Variants in RBFOX1 observed in about 807,000 individuals in gnomAD.
RBFOX1 encodes the protein RNA binding protein fox-1 homolog 1.
Under a neutral mutation model 57.7 loss-of-function variants are expected in RBFOX1, and 8 were observed. The ratio of observed to expected loss-of-function variants is 0.14; its 90% CI spans 0.08 to 0.25. The LOEUF is 0.25. RBFOX1 is among the 10% of genes least tolerant of loss of function. RBFOX1 has a pLI of 1.00. For missense variants in RBFOX1, 611 were observed against 548.5 expected (o/e 1.11, Z -1.14); for synonymous variants, 326 against 222.4 (o/e 1.47, Z -4.15).
At chr16:7,323,110 A>G (rs754382340) in intron 4 of RBFOX1, among the ~76,000 whole-genome samples, 5 of 152,140 alleles carry the variant, frequency 3.3e-5, no homozygotes, top group Non-Finnish European at 7.3e-5. Flanking sequence ...AGATGAAGAA[A>G]CCACTCAGAT....
intron 14 of RBFOX1, among the ~76,000 whole-genome samples, chr16:7,681,856 T>A (rs2074844283): frequency 6.6e-6 from 1 of 152,112 alleles, no homozygotes; most frequent in African/African-American, 2.4e-5. Flanking sequence ...CCAAGTTTGA[T>A]AGGGATTGAA....
At chr16:6,821,531 T>G (rs975396840) in intron 3 of RBFOX1, among the ~76,000 whole-genome samples, 3 of 152,194 alleles carry the variant, frequency 2.0e-5, no homozygotes, top group Admixed American at 6.5e-5. Context: ...ATCCCATGCC[T>G]ATTAATCAGA....
Position 6,480,230 on chromosome 16 carries a change from C to T in RBFOX1, c.-64+163173C>T, listed in dbSNP as rs143990860. Among the ~76,000 whole-genome samples the T allele has an allele frequency of 1.2e-3, 186 of 152,210 alleles. 1 individual carries two copies. The highest frequency in any genetic ancestry group is 4.2e-3 in the African/African-American group (176 of 41,512). On this transcript the variant is annotated intron_variant, in intron 2 of 15. Coordinates refer to ENST00000550418, the MANE Select transcript of RBFOX1 (RefSeq NM_018723.4). ...TTTAAAAGTGATACACATGTACACA[C>T]ATATAACATATAGAGTATATATACA...
intron 4 of RBFOX1, among the ~76,000 whole-genome samples, chr16:5,971,122 A>G (rs1263691302): frequency 6.6e-6 from 1 of 152,176 alleles, no homozygotes; most frequent in East Asian, 1.9e-4. Flanking sequence ...CCAGCTGTCA[A>G]CACGTTTATT....
intron 2 of RBFOX1, among the ~76,000 whole-genome samples, chr16:5,471,582 C>A (rs185325447): frequency 1.1e-4 from 17 of 152,216 alleles, no homozygotes; most frequent in Admixed American, 3.3e-4. Flanking sequence ...CCCGGAGAAC[C>A]CTCTGTCTCT....
chr16:7,310,019 G>A (rs141665859), intron 4 of RBFOX1, among the ~76,000 whole-genome samples: 17 of 152,326 alleles, frequency 1.1e-4, no homozygotes, highest in African/African-American at 3.6e-4. Flanking sequence ...CGGGCTGAGC[G>A]TTGGCCCGTG....
At chr16:6,729,385 G>C (rs1462327816) in intron 3 of RBFOX1, among the ~76,000 whole-genome samples, 2 of 152,156 alleles carry the variant, frequency 1.3e-5, no homozygotes, top group Non-Finnish European at 1.5e-5. Context: ...TAATAAAATA[G>C]TTTATCAAGT....
chr16:6,580,908 CTT>C (rs5815330), intron 2 of RBFOX1, among the ~76,000 whole-genome samples: 2,835 of 142,482 alleles, frequency 0.02, 77 homozygotes, highest in African/African-American at 0.063. Flanking sequence ...TTTGGGCTTG[CTT>C]TTTTTTTTTT....
chr16:7,373,718 G>A (rs1172057733), intron 4 of RBFOX1, among the ~76,000 whole-genome samples: 1 of 152,220 alleles, frequency 6.6e-6, no homozygotes, highest in Non-Finnish European at 1.5e-5. Context: ...GTTGATCATT[G>A]CAATAGTTGA....
At chr16:6,336,463 T>C (rs2083769072) in intron 2 of RBFOX1, among the ~76,000 whole-genome samples, 1 of 152,064 alleles carries the variant, frequency 6.6e-6, no homozygotes, top group East Asian at 1.9e-4. Flanking sequence ...CACTGGTAAG[T>C]AAATGTCAGA....
intron 3 of RBFOX1, among the ~76,000 whole-genome samples, chr16:6,863,283 C>A (rs947700138): frequency 1.3e-5 from 2 of 152,152 alleles, no homozygotes; most frequent in African/African-American, 4.8e-5. Flanking sequence ...TGGATGCAGA[C>A]TGGGAAAAGT....
At chr16:7,691,794 T>G (rs1172213394) in intron 14 of RBFOX1, among the ~76,000 whole-genome samples, 1 of 152,086 alleles carries the variant, frequency 6.6e-6, no homozygotes, top group African/African-American at 2.4e-5. Flanking sequence ...GCAGTAGAAA[T>G]TGGGTAGAGC....
At chr16:6,247,812 G>C (rs1386361746) in intron 1 of RBFOX1, among the ~76,000 whole-genome samples, 1 of 152,202 alleles carries the variant, frequency 6.6e-6, no homozygotes, top group Non-Finnish European at 1.5e-5. Flanking sequence ...GAGAGGGAGA[G>C]AGAAAATTCT....
intron 3 of RBFOX1, among the ~76,000 whole-genome samples, chr16:6,732,319 T>G (rs2068827720): frequency 6.6e-6 from 1 of 152,184 alleles, no homozygotes; most frequent in Non-Finnish European, 1.5e-5. Flanking sequence ...GGCCCCAGGC[T>G]CCTGTTCAGA....
At chr16:5,988,396 C>G (rs1224536910) in intron 4 of RBFOX1, among the ~76,000 whole-genome samples, 1 of 152,152 alleles carries the variant, frequency 6.6e-6, no homozygotes, top group Non-Finnish European at 1.5e-5. Context: ...GTTATCAAGC[C>G]TCTAATATTT....
At chr16:6,186,528 C>T (rs1322370603) in intron 1 of RBFOX1, among the ~76,000 whole-genome samples, 1 of 151,444 alleles carries the variant, frequency 6.6e-6, no homozygotes. Flanking sequence ...AGGAGAGGGG[C>T]GGGGAGGAGT....
At chr16:7,472,813 A>T (rs553023120) in intron 4 of RBFOX1, among the ~76,000 whole-genome samples, 1 of 152,340 alleles carries the variant, frequency 6.6e-6, no homozygotes, top group Admixed American at 6.5e-5. Flanking sequence ...TTTATTAGAT[A>T]ATATTATTAG....
intron 2 of RBFOX1, among the ~76,000 whole-genome samples, chr16:6,590,321 C>T (rs542465027): frequency 2.6e-5 from 4 of 152,314 alleles, no homozygotes; most frequent in East Asian, 1.9e-4. Context: ...CCTCAACCAT[C>T]GGATTTGCCT....
chr16:6,120,723 T>C (rs1276871070), intron 1 of RBFOX1, among the ~76,000 whole-genome samples: 3 of 152,238 alleles, frequency 2.0e-5, no homozygotes, highest in Non-Finnish European at 4.4e-5. Flanking sequence ...CTTGTGGCTC[T>C]GAATTCAGAT....
Sources: gnomAD v4.1 joint callset for allele counts (sites outside exome capture counted in the v4.1 genomes callset) on GRCh38, gnomAD v4.1.1 for gene constraint, MANE v1.5 for transcripts, NCBI Gene and HGNC (gene_info 2026-07-23, HGNC 2026-07-21) for gene names.